Variants in AGBL4 observed in about 807,000 individuals in gnomAD.
The protein encoded by AGBL4 is cytosolic carboxypeptidase 6.
Under a neutral mutation model 66.4 loss-of-function variants are expected in AGBL4, and 58 were observed. The observed-to-expected ratio is 0.87, with a 90% CI of 0.71 to 1.09. The LOEUF (loss-of-function observed/expected upper bound fraction) is 1.09, where lower values mean the gene tolerates loss of function less well. Among genes scored for constraint, AGBL4 ranks in the 50% least tolerant of loss-of-function variants. The pLI, the probability that AGBL4 is intolerant of heterozygous loss-of-function variation, is 0.00. For synonymous variants in AGBL4, 234 were observed against 222.9 expected (o/e 1.05, Z -0.44); for missense variants, 579 against 631.0 (o/e 0.92, Z 0.88).
At chr1:48,529,105 T>C (rs1215100877), downstream of AGBL4, among the ~76,000 whole-genome samples, 1 of 151,998 alleles carries the variant, frequency 6.6e-6, no homozygotes, top group Non-Finnish European at 1.5e-5. Flanking sequence ...CAGACTCTGC[T>C]ACGTAATCTG....
At chr1:49,422,086 A>G (rs1570677184) in intron 3 of AGBL4, among the ~76,000 whole-genome samples, 1 of 152,212 alleles carries the variant, frequency 6.6e-6, no homozygotes. Flanking sequence ...TAATCAATTC[A>G]TAGATAGTTA....
intron 4 of AGBL4, among the ~76,000 whole-genome samples, chr1:49,165,932 CAT>C (rs1457083363): frequency 2.6e-5 from 4 of 151,902 alleles, no homozygotes; most frequent in Admixed American, 6.6e-5. Flanking sequence ...TGTAACCAAC[CAT>C]GAATAGGACA....
intron 3 of AGBL4, among the ~76,000 whole-genome samples, chr1:49,654,846 C>CAG (rs1646088769): frequency 6.6e-6 from 1 of 152,126 alleles, no homozygotes; most frequent in African/African-American, 2.4e-5. Flanking sequence ...TTCCTGAATA[C>CAG]AGAACACTGA....
chr1:49,173,894 G>A (rs537755646), intron 4 of AGBL4, among the ~76,000 whole-genome samples: 2 of 152,252 alleles, frequency 1.3e-5, no homozygotes, highest in African/African-American at 4.8e-5. Flanking sequence ...TTCAAGCAAA[G>A]TAAACAAAGT....
At chr1:48,948,836 G>A (rs1472916904) in intron 5 of AGBL4, among the ~76,000 whole-genome samples, 5 of 151,840 alleles carry the variant, frequency 3.3e-5, no homozygotes, top group Non-Finnish European at 5.9e-5. Context: ...TGTGGTCCTG[G>A]TCATTGACAT....
At chr1:49,517,226 C>T (rs1182109944) in intron 3 of AGBL4, among the ~76,000 whole-genome samples, 1 of 150,872 alleles carries the variant, frequency 6.6e-6, no homozygotes, top group Non-Finnish European at 1.5e-5. Flanking sequence ...ACTAATGTAT[C>T]TAGTATCAAG....
At chr1:49,735,158 A>T (rs1363460098) in intron 2 of AGBL4, among the ~76,000 whole-genome samples, 1 of 152,100 alleles carries the variant, frequency 6.6e-6, no homozygotes, top group African/African-American at 2.4e-5. Flanking sequence ...AAACTGGTGA[A>T]TATATCTTAC....
intron 1 of AGBL4, among the ~76,000 whole-genome samples, chr1:49,878,927 T>C (rs1195407270): frequency 1.9e-5 from 2 of 103,578 alleles, no homozygotes; most frequent in African/African-American, 7.9e-5. Context: ...GCCTTCTTTG[T>C]CTCTTTTGAT....
At chr1:49,874,958 A>T (rs1001729636) in intron 1 of AGBL4, among the ~76,000 whole-genome samples, 3 of 137,804 alleles carry the variant, frequency 2.2e-5, no homozygotes, top group African/African-American at 8.1e-5. Flanking sequence ...TATATCTCCC[A>T]ATGCTATCCC....
intron 3 of AGBL4, among the ~76,000 whole-genome samples, chr1:49,531,693 C>T (rs1651153824): frequency 6.6e-6 from 1 of 152,028 alleles, no homozygotes; most frequent in Non-Finnish European, 1.5e-5. Context: ...AACTGGGGTT[C>T]TGACAAGTTC....
At chr1:49,847,691 T>C (rs1393886282) in intron 2 of AGBL4, among the ~76,000 whole-genome samples, 2 of 151,406 alleles carry the variant, frequency 1.3e-5, no homozygotes, top group Non-Finnish European at 2.9e-5. Flanking sequence ...ACATTACAAA[T>C]GGCAAATAAA....
chr1:49,638,067 G>T (rs570864529), intron 3 of AGBL4, among the ~76,000 whole-genome samples: 1 of 152,096 alleles, frequency 6.6e-6, no homozygotes, highest in South Asian at 2.1e-4. Flanking sequence ...ATGCACTGTT[G>T]TTCTTAGTTT....
At chr1:48,801,969 G>A (rs1308541493) in intron 6 of AGBL4, among the ~76,000 whole-genome samples, 1 of 151,500 alleles carries the variant, frequency 6.6e-6, no homozygotes, top group Non-Finnish European at 1.5e-5. Context: ...GTCTCCAGCT[G>A]GCACTTTCTA....
At chr1:49,623,902 T>C (rs1199095833) in intron 3 of AGBL4, among the ~76,000 whole-genome samples, 1 of 152,144 alleles carries the variant, frequency 6.6e-6, no homozygotes, top group Non-Finnish European at 1.5e-5. Flanking sequence ...GCTGACTAGC[T>C]GTGGACTTTT....
intron 3 of AGBL4, among the ~76,000 whole-genome samples, chr1:49,660,478 T>C (rs576456661): frequency 3.3e-5 from 5 of 152,068 alleles, no homozygotes; most frequent in Admixed American, 6.6e-5. Context: ...TGTGGAGAAA[T>C]AGAAATGCTT....
At chr1:49,906,662 C>G (rs1301322617) in intron 1 of AGBL4, among the ~76,000 whole-genome samples, 1 of 151,824 alleles carries the variant, frequency 6.6e-6, no homozygotes, top group African/African-American at 2.4e-5. Flanking sequence ...GAAAAATATA[C>G]CTAGTCCATT....
At chr1:48,863,806 C>T (rs576306355) in intron 6 of AGBL4, among the ~76,000 whole-genome samples, 77 of 151,942 alleles carry the variant, frequency 5.1e-4, no homozygotes, top group Admixed American at 1.3e-3. Context: ...CTAAATGAGA[C>T]AAGTAAAGAC....
intron 1 of AGBL4, among the ~76,000 whole-genome samples, chr1:49,893,832 T>C (rs1026246618): frequency 1.3e-5 from 2 of 152,168 alleles, no homozygotes; most frequent in African/African-American, 4.8e-5. Flanking sequence ...CTGGGCTGGT[T>C]TCACAAACTG....
the AGBL4 span, among the ~76,000 whole-genome samples, chr1:48,525,002 G>C: frequency 5.9e-5 from 9 of 152,108 alleles, no homozygotes; most frequent in African/African-American, 1.4e-4. Flanking sequence ...GAGAAAAGGA[G>C]GGGTGTCAGC....
Sources: allele counts gnomAD v4.1 joint callset (sites outside exome capture counted in the v4.1 genomes callset), GRCh38; gene constraint gnomAD v4.1.1; transcripts MANE v1.5; gene names NCBI Gene and HGNC (gene_info 2026-07-23, HGNC 2026-07-21).